STXBP5L: variants seen among roughly 807,000 people sequenced by gnomAD.
STXBP5L encodes the protein syntaxin binding protein 5L, also known as syntaxin-binding protein 5-like.
Under a neutral mutation model 144.5 loss-of-function variants are expected in STXBP5L, and 65 were observed. The observed-to-expected ratio is 0.45, with a 90% CI of 0.37 to 0.55. The LOEUF (loss-of-function observed/expected upper bound fraction) is 0.55, where lower values mean the gene tolerates loss of function less well. Among genes scored for constraint, STXBP5L ranks in the 20% least tolerant of loss-of-function variants. STXBP5L has a pLI of 0.00. For missense variants in STXBP5L, 1,298 were observed against 1,405.5 expected (o/e 0.92, Z 1.22); for synonymous variants, 505 against 469.6 (o/e 1.08, Z -0.97).
intron 3 of STXBP5L, among the ~76,000 whole-genome samples, chr3:121,024,945 G>A (rs1010878553): frequency 2.0e-5 from 3 of 152,144 alleles, no homozygotes; most frequent in Non-Finnish European, 4.4e-5. Context: ...GCTTAGAACA[G>A]TATCATTCTA....
chr3:121,317,815 C>T (rs2043834324), intron 19 of STXBP5L, among the ~76,000 whole-genome samples: 2 of 151,952 alleles, frequency 1.3e-5, no homozygotes, highest in East Asian at 1.9e-4. Flanking sequence ...AAATATAGTG[C>T]TTATTATAAG....
intron 2 of STXBP5L, among the ~76,000 whole-genome samples, chr3:120,922,263 T>C (rs1475332983): frequency 6.6e-6 from 1 of 151,996 alleles, no homozygotes; most frequent in Non-Finnish European, 1.5e-5. Context: ...TTTGTTCAGA[T>C]TGTTCACTGT....
chr3:121,233,689 G>A lies in STXBP5L; in HGVS notation c.1184+1G>A, dbSNP rs747281744. Reference sequence around the variant, plus strand: ...TTGTAGTTGATCTGACACAAAGCAAGTAAGTTATCCATGTACAGATTAACA... The same window carrying A: ...TTGTAGTTGATCTGACACAAAGCAAATAAGTTATCCATGTACAGATTAACA... On this transcript the variant is annotated splice_donor_variant, in intron 12 of 26. Coordinates refer to ENST00000471454, the MANE Select transcript of STXBP5L (RefSeq NM_001308330.2). LOFTEE classifies it high-confidence loss of function. The A allele has an allele frequency of 6.2e-7, 1 of 1,608,598 alleles. No individual in the cohort carries two copies. Among genetic ancestry groups the A allele is most frequent in the Admixed American group, 1.7e-5 (1 of 59,826 alleles).
At chr3:121,026,293 T>C (rs1401501747) in intron 3 of STXBP5L, among the ~76,000 whole-genome samples, 1 of 151,954 alleles carries the variant, frequency 6.6e-6, no homozygotes, top group Non-Finnish European at 1.5e-5. Flanking sequence ...ACCTGGATTA[T>C]TGCCTGGTTA....
At chr3:120,913,699 T>G (rs1165916457) in intron 2 of STXBP5L, among the ~76,000 whole-genome samples, 2 of 152,022 alleles carry the variant, frequency 1.3e-5, no homozygotes, top group Non-Finnish European at 2.9e-5. Flanking sequence ...TTTGGTTTAT[T>G]TAAAGCAGAG....
At chr3:121,127,889 C>G (rs182210537) in intron 7 of STXBP5L, among the ~76,000 whole-genome samples, 1 of 151,696 alleles carries the variant, frequency 6.6e-6, no homozygotes, top group Non-Finnish European at 1.5e-5. Flanking sequence ...TCTGGGTGAC[C>G]GTGTAATGAC....
chr3:121,149,137 T>C (rs1230847178), intron 7 of STXBP5L, among the ~76,000 whole-genome samples: 1 of 152,062 alleles, frequency 6.6e-6, no homozygotes, highest in African/African-American at 2.4e-5. Context: ...ATTACTTGTC[T>C]TCTATTGTGT....
At chr3:121,286,689 G>A (rs2108453617) in intron 19 of STXBP5L, among the ~76,000 whole-genome samples, 1 of 152,270 alleles carries the variant, frequency 6.6e-6, no homozygotes, top group East Asian at 1.9e-4. Flanking sequence ...CAAAGCTTTA[G>A]ATTCTCACTA....
At chr3:121,064,570 T>G (rs1471634888) in intron 5 of STXBP5L, among the ~76,000 whole-genome samples, 1 of 152,236 alleles carries the variant, frequency 6.6e-6, no homozygotes, top group African/African-American at 2.4e-5. Flanking sequence ...ATATTGACTC[T>G]CTGTCATTGA....
At chr3:121,322,860 G>T (rs756528877) in intron 20 of STXBP5L, among the ~76,000 whole-genome samples, 35 of 152,220 alleles carry the variant, frequency 2.3e-4, no homozygotes, top group Middle Eastern at 3.4e-3. Context: ...AGCATCTGTT[G>T]TTTGTTGACT....
chr3:121,339,393 A>C (rs1053699725), intron 20 of STXBP5L, among the ~76,000 whole-genome samples: 1 of 152,184 alleles, frequency 6.6e-6, no homozygotes, highest in Non-Finnish European at 1.5e-5. Context: ...TCAACAAATT[A>C]GATATAGAAG....
At chr3:121,157,659 C>T (rs2046168098) in intron 9 of STXBP5L, 32 bp downstream of exon 9, 1 of 1,576,870 alleles carries the variant, frequency 6.3e-7, no homozygotes, top group African/African-American at 1.4e-5. Context: ...GGAATAAACA[C>T]TGGCAATTCA....
chr3:121,014,758 A>C (rs911422028), intron 3 of STXBP5L, among the ~76,000 whole-genome samples: 1 of 152,076 alleles, frequency 6.6e-6, no homozygotes, highest in African/African-American at 2.4e-5. Context: ...GTATTTGCAG[A>C]TCTACATATT....
intron 9 of STXBP5L, among the ~76,000 whole-genome samples, chr3:121,165,268 C>T (rs2108034829): frequency 6.6e-6 from 1 of 152,238 alleles, no homozygotes; most frequent in Admixed American, 6.5e-5. Flanking sequence ...TCATCTTTTG[C>T]TAATCTCTGA....
At chr3:121,177,211 C>T (rs775976376) in intron 9 of STXBP5L, among the ~76,000 whole-genome samples, 1 of 151,954 alleles carries the variant, frequency 6.6e-6, no homozygotes, top group Non-Finnish European at 1.5e-5. Context: ...ATGGCTGAGC[C>T]CACGTCATCA....
At chr3:120,978,983 TGGGGGTC>T (rs1313943428) in intron 3 of STXBP5L, among the ~76,000 whole-genome samples, 1 of 152,094 alleles carries the variant, frequency 6.6e-6, no homozygotes, top group Non-Finnish European at 1.5e-5. Flanking sequence ...TTATGCTGCT[TGGGGGTC>T]AGGGGTCAGG....
intron 17 of STXBP5L, among the ~76,000 whole-genome samples, chr3:121,257,882 G>A (rs2050259214): frequency 6.6e-6 from 1 of 152,114 alleles, no homozygotes; most frequent in African/African-American, 2.4e-5. Context: ...CTATGGTCTT[G>A]CCACTGCACT....
rs72966179 is a variant in STXBP5L at position 121,173,753 on chromosome 3, T to C, written c.877+16126T>C. Among the ~76,000 whole-genome samples the C allele has an allele frequency of 2.5e-3, 377 of 152,258 alleles. 1 individual carries two copies. The highest frequency in any genetic ancestry group is 8.5e-3 in the African/African-American group (354 of 41,556). ...ATATCATAAGTTTGTGTTATCTCTT[T>C]ACAAGATGAATCGTGTCTGAAATGG... On this transcript the variant is annotated intron_variant, in intron 9 of 26. Transcript: ENST00000471454.
intron 2 of STXBP5L, among the ~76,000 whole-genome samples, chr3:120,919,730 A>G: frequency 6.6e-6 from 1 of 152,038 alleles, no homozygotes; most frequent in South Asian, 2.1e-4. Flanking sequence ...TCTAAACTAG[A>G]CTTTTTAATT....
Sources: gnomAD v4.1 joint callset for allele counts (sites outside exome capture counted in the v4.1 genomes callset) on GRCh38, gnomAD v4.1.1 for gene constraint, MANE v1.5 for transcripts, NCBI Gene and HGNC (gene_info 2026-07-23, HGNC 2026-07-21) for gene names.